ACAN: variants seen among roughly 807,000 people sequenced by gnomAD.
ACAN encodes the protein aggrecan core protein.
ACAN carries 47 observed loss-of-function variants against 169.1 expected under a neutral mutation model. That is an observed-to-expected ratio of 0.28 (90% CI 0.22 to 0.35). The LOEUF is 0.35. ACAN is among the 10% of genes least tolerant of loss of function. ACAN has a pLI of 1.00. For synonymous variants in ACAN, 1,115 were observed against 1,112.2 expected, an observed-to-expected ratio of 1.00 and a Z score of -0.05; for missense variants, 2,716 against 2,759.9, an observed-to-expected ratio of 0.98 and a Z score of 0.36.
At chr15:88,844,063 AG>A in intron 6 of ACAN, among the ~76,000 whole-genome samples, 1 of 152,194 alleles carries the variant, frequency 6.6e-6, no homozygotes, top group South Asian at 2.1e-4. Context: ...CACCCATGGG[AG>A]GGTGCTGCTA....
Position 88,857,051 on chromosome 15 carries a change from G to A in ACAN, c.4466G>A (p.Gly1489Glu). The A allele has an allele frequency of 6.2e-7, 1 of 1,613,528 alleles. No homozygotes were observed. The highest frequency in any genetic ancestry group is 8.5e-7 in the Non-Finnish European group (1 of 1,179,532). Residue 1489 changes from glycine to glutamate, a missense_variant, in exon 12 of 19, where the codon GGG (glycine) becomes GAG (glutamate). Transcript: ENST00000560601. Reference protein sequence around the residue: ...ISVSGVEDISGLPSGEVVETS... With the variant: ...ISVSGVEDISELPSGEVVETS... ...GTCTCTGGAGTAGAGGACATCAGTG[G>A]GCTTCCTTCTGGAGAGGTTGTAGAG...
intron 1 of ACAN, among the ~76,000 whole-genome samples, chr15:88,825,804 G>A (rs7177225): frequency 0.085 from 13,002 of 152,074 alleles, 1,856 homozygotes; most frequent in African/African-American, 0.3. Context: ...TTCCTACTGT[G>A]CCCACCCCCA....
In ACAN at chr15:88,839,635, A is replaced by G. The variant is rs575151455; in HGVS notation, c.455-377A>G. ...TGGGCACACCTTAAATGAGGTTTCC[A>G]CTAGGGTGGCCCTGGGCTGAGGGTG... On this transcript the variant is annotated intron_variant, in intron 3 of 18. Coordinates refer to ENST00000560601, the MANE Select transcript of ACAN (RefSeq NM_001369268.1). This position sits in a 1 kb window ranked among gnomAD's most constrained non-coding sequence, Gnocchi z 4.5. Among the ~76,000 whole-genome samples the G allele has an allele frequency of 1.1e-3, 163 of 152,322 alleles. No homozygotes were observed. Among genetic ancestry groups the G allele is most frequent in the Middle Eastern group, 6.8e-3 (2 of 294 alleles).
At chr15:88,844,433 G>C (rs2141579296) in intron 6 of ACAN, among the ~76,000 whole-genome samples, 1 of 152,030 alleles carries the variant, frequency 6.6e-6, no homozygotes, top group East Asian at 1.9e-4. Context: ...GAGTGCAGTG[G>C]TGCTATTTCA....
At chr15:88,806,717 G>A (rs1430894145) in intron 1 of ACAN, among the ~76,000 whole-genome samples, 1 of 152,110 alleles carries the variant, frequency 6.6e-6, no homozygotes, top group East Asian at 1.9e-4. Flanking sequence ...TGGGCCCTTA[G>A]GAGGACCTCA....
At position 88,807,832 on chromosome 15, in the gene ACAN, G is replaced by A. The variant is rs1179279639; in HGVS notation, c.-8+4023G>A. ...TGCGGGCTGGCCAGGCCTGTGAGAG[G>A]TGACTTCTCTCCCTCTCAATGGCCT... On this transcript the variant is annotated intron_variant, in intron 1 of 18. Coordinates refer to ENST00000560601, the MANE Select transcript of ACAN (RefSeq NM_001369268.1). This position sits in a 1 kb window ranked among gnomAD's most constrained non-coding sequence, Gnocchi z 4.0. Among the ~76,000 whole-genome samples the A allele has an allele frequency of 6.7e-6, 1 of 150,360 alleles. No individual in the cohort carries two copies. The highest frequency in any genetic ancestry group is 1.5e-5 in the Non-Finnish European group (1 of 67,728).
chr15:88,808,572 C>T (rs924192076), intron 1 of ACAN, among the ~76,000 whole-genome samples: 6 of 152,150 alleles, frequency 3.9e-5, no homozygotes, highest in South Asian at 4.2e-4. Context: ...CCTCCTTCCC[C>T]GGGGAACATT....
chr15:88,840,421 GC>G (rs1250085540), intron 4 of ACAN, among the ~76,000 whole-genome samples: 1 of 152,164 alleles, frequency 6.6e-6, no homozygotes, highest in Non-Finnish European at 1.5e-5. Context: ...TAGCAACCTT[GC>G]CCTACATGTC....
chr15:88,823,546 G>A (rs939659668), intron 1 of ACAN, among the ~76,000 whole-genome samples: 1 of 152,144 alleles, frequency 6.6e-6, no homozygotes, highest in African/African-American at 2.4e-5. Flanking sequence ...GCAATTGAGA[G>A]TGGGGAGGGG....
chr15:88,809,380 T>C (rs1895764004), intron 1 of ACAN, among the ~76,000 whole-genome samples: 1 of 152,130 alleles, frequency 6.6e-6, no homozygotes. Context: ...AGCCTCAGGT[T>C]CTTTATTTAT....
intron 13 of ACAN, among the ~76,000 whole-genome samples, chr15:88,864,889 A>T (rs977905892): frequency 6.6e-6 from 1 of 152,182 alleles, no homozygotes; most frequent in African/African-American, 2.4e-5. Context: ...CAACCCTTTT[A>T]GTTCAGTATC....
intron 1 of ACAN, among the ~76,000 whole-genome samples, chr15:88,823,240 C>T (rs1412966251): frequency 1.3e-5 from 2 of 152,212 alleles, no homozygotes; most frequent in Non-Finnish European, 2.9e-5. Flanking sequence ...AGGAAAGGTA[C>T]TTGCGCCTGC....
chr15:88,870,540 C>T lies in ACAN; in HGVS notation c.7061-842C>T, dbSNP rs1213496006. Among the ~76,000 whole-genome samples, 3 of 152,156 alleles carry T rather than the reference C, an allele frequency of 2.0e-5. No homozygotes were observed. Among genetic ancestry groups the T allele is most frequent in the South Asian group, 4.2e-4 (2 of 4,816 alleles). ...GCTATCAACATGATGTCACTGAAGG[C>T]GAGGTTGAGAGGAGACACTAACAAT... is the stretch of plus-strand genomic sequence containing the variant. On this transcript the variant is annotated intron_variant, in intron 14 of 18. Coordinates refer to ENST00000560601, the MANE Select transcript of ACAN (RefSeq NM_001369268.1). This position sits in a 1 kb window ranked among gnomAD's most constrained non-coding sequence, Gnocchi z 6.3.
Position 88,838,676 on chromosome 15 carries a change from G to C in ACAN, c.84G>C (p.Ser28=). The stretch of plus-strand genomic sequence containing the variant: ...TCTCCCACACAGACCATGACAACTC[G>C]CTGAGTGTCAGCATCCCCCAACCGT... ...VTVETSDHDN[S]LSVSIPQPSP... Residue 28 remains serine (S), a synonymous_variant, in exon 3 of 19, where the codon TCG becomes TCC. Transcript: ENST00000560601. This position sits in a 1 kb window ranked among gnomAD's most constrained non-coding sequence, Gnocchi z 5.1. 6.3e-7 allele frequency: 1 copy of C among 1,584,870 alleles called. No homozygotes were observed. Among genetic ancestry groups the C allele is most frequent in the Non-Finnish European group, 8.6e-7 (1 of 1,163,974 alleles).
Position 88,839,999 on chromosome 15 carries a change from A to G in ACAN, c.455-13A>G, listed in dbSNP as rs1596131678. 6.3e-7 allele frequency: 1 copy of G among 1,592,970 alleles called. No homozygotes were observed. Among genetic ancestry groups the G allele is most frequent in the Non-Finnish European group, 8.6e-7 (1 of 1,168,880 alleles). On this transcript the variant is annotated splice_polypyrimidine_tract_variant and intron_variant, in intron 3 of 18. Coordinates refer to ENST00000560601, the MANE Select transcript of ACAN (RefSeq NM_001369268.1). The surrounding 1 kb of genome is among the most constrained non-coding windows in gnomAD (Gnocchi z 4.5). ...CCAGCTCTTCCGCTTGTGGGCGTGTATGTGTCTTGCAGGCATCGTGTTCCA... is the reference window on the plus strand; with the variant it reads ...CCAGCTCTTCCGCTTGTGGGCGTGTGTGTGTCTTGCAGGCATCGTGTTCCA...
chr15:88,836,196 C>T lies in ACAN; in HGVS notation c.-7-4C>T, dbSNP rs559234468. On this transcript the variant is annotated splice_region_variant and splice_polypyrimidine_tract_variant and intron_variant, in intron 1 of 18. Transcript: ENST00000560601. ...AAATAACGCCTCTGCCTCCCCTCTT[C>T]CAGGTGAACTATGACCACTTTACTC... 1.3e-5 allele frequency: 21 copies of T among 1,612,340 alleles called. No individual in the cohort carries two copies. The East Asian group carries it at 4.5e-4, about 34-fold the overall frequency.
Position 88,872,934 on chromosome 15 carries a change from G to A in ACAN, c.7356G>A (p.Glu2452=), listed in dbSNP as rs1166485989. 6.2e-7 allele frequency: 1 copy of A among 1,613,950 alleles called. No individual in the cohort carries two copies. The highest frequency in any genetic ancestry group is 1.1e-5 in the South Asian group (1 of 91,072). ...NQPDNFFAAG[E]DCVVMIWHEK... is the part of the protein sequence containing the mutation. ...CTGACAACTTTTTTGCCGCTGGAGA[G>A]GACTGTGTGGTGATGATCTGGCACG... The change falls in exon 17 of 19, where the codon GAG becomes GAA. Residue 2452 remains glutamate (E), a synonymous_variant. Transcript: ENST00000560601. This position sits in a 1 kb window ranked among gnomAD's most constrained non-coding sequence, Gnocchi z 5.4.
intron 1 of ACAN, among the ~76,000 whole-genome samples, chr15:88,828,422 T>C (rs1596123218): frequency 6.6e-6 from 1 of 150,850 alleles, no homozygotes; most frequent in East Asian, 1.9e-4. Flanking sequence ...TACCCGAGCC[T>C]TTTTTTTTGC....
chr15:88,835,889 C>T (rs181328905), intron 1 of ACAN, among the ~76,000 whole-genome samples: 82 of 152,292 alleles, frequency 5.4e-4, no homozygotes, highest in Middle Eastern at 3.4e-3. Context: ...CTGGTTGCCC[C>T]GGCCCAGTCA....
Sources: gnomAD v4.1 joint callset for allele counts (sites outside exome capture counted in the v4.1 genomes callset) on GRCh38, gnomAD v4.1.1 for gene constraint, Gnocchi (gnomAD v3.1) non-coding constraint, MANE v1.5 for transcripts, NCBI Gene and HGNC (gene_info 2026-07-23, HGNC 2026-07-21) for gene names.